Variants in MARCHF1 observed in about 807,000 individuals in gnomAD.
MARCHF1 encodes the protein membrane associated ring-CH-type finger 1, also known as E3 ubiquitin-protein ligase MARCHF1.
A neutral mutation model predicts 54.2 loss-of-function variants in MARCHF1; 40 were observed. The observed-to-expected ratio is 0.74, with a 90% CI of 0.57 to 0.96. The LOEUF is 0.96. MARCHF1 is among the 40% of genes least tolerant of loss of function. The probability of loss-of-function intolerance (pLI) is 0.00; values close to 1 mark genes in which losing one functional copy is unlikely to be tolerated. For synonymous variants in MARCHF1, 236 were observed against 236.3 expected (o/e 1.00, Z 0.01); for missense variants, 586 against 656.5 (o/e 0.89, Z 1.17).
intron 7 of MARCHF1, among the ~76,000 whole-genome samples, chr4:163,586,224 A>C (rs1301584994): frequency 6.6e-6 from 1 of 152,176 alleles, no homozygotes; most frequent in Non-Finnish European, 1.5e-5. Context: ...CACAACCCAA[A>C]GTTTATTCAC....
intron 8 of MARCHF1, among the ~76,000 whole-genome samples, chr4:163,562,927 A>C (rs1384168030): frequency 1.3e-5 from 2 of 152,204 alleles, no homozygotes; most frequent in African/African-American, 4.8e-5. Context: ...TAGCTCAGGA[A>C]CTAAACCCTG....
At chr4:163,990,818 A>G (rs1344555639) in intron 2 of MARCHF1, among the ~76,000 whole-genome samples, 1 of 152,174 alleles carries the variant, frequency 6.6e-6, no homozygotes, top group African/African-American at 2.4e-5. Context: ...ACTCTTTAGA[A>G]AAGTAATATT....
chr4:163,587,023 A>C (rs1740434344), intron 7 of MARCHF1, among the ~76,000 whole-genome samples: 1 of 152,214 alleles, frequency 6.6e-6, no homozygotes. Context: ...AGTACAGAAA[A>C]TCCTATTGTT....
intron 3 of MARCHF1, among the ~76,000 whole-genome samples, chr4:163,860,650 T>G (rs938149118): frequency 1.3e-5 from 2 of 152,118 alleles, no homozygotes; most frequent in African/African-American, 2.4e-5. Flanking sequence ...AGAATACTTC[T>G]CCTCTACTGT....
chr4:163,911,148 T>C (rs76100988), intron 3 of MARCHF1, among the ~76,000 whole-genome samples: 142 of 152,278 alleles, frequency 9.3e-4, no homozygotes, highest in African/African-American at 2.8e-3. Flanking sequence ...GATGCTGTGG[T>C]TTGGACTACA....
intron 8 of MARCHF1, among the ~76,000 whole-genome samples, chr4:163,579,413 T>A (rs1324838779): frequency 6.6e-6 from 1 of 152,200 alleles, no homozygotes; most frequent in Non-Finnish European, 1.5e-5. Flanking sequence ...AATTTTTTGT[T>A]ATTTTGTAGT....
rs1021027790 is a variant in MARCHF1, at chr4:163,619,281, T to C, written c.163-5888A>G. Among the ~76,000 whole-genome samples the C allele has an allele frequency of 3.7e-4, 56 of 152,104 alleles. 2 individuals carry two copies. The highest frequency in any genetic ancestry group is 1.0e-4 in the Non-Finnish European group (7 of 68,022). On this transcript the variant is annotated intron_variant, in intron 5 of 9. Transcript: ENST00000514618. The stretch of plus-strand genomic sequence containing the variant: ...CAGCTGAGAATTGGAAGGTTCAGGG[T>C]TGTCTGAAAGCAAAGAGCAGAGTTA...
intron 1 of MARCHF1, among the ~76,000 whole-genome samples, chr4:164,165,421 A>G (rs755232073): frequency 6.6e-6 from 1 of 151,256 alleles, no homozygotes; most frequent in Non-Finnish European, 1.5e-5. Context: ...ATGAGGATAC[A>G]ATGAGAAGAT....
chr4:163,658,772 A>C (rs536348663), intron 5 of MARCHF1, among the ~76,000 whole-genome samples: 28 of 152,044 alleles, frequency 1.8e-4, no homozygotes, highest in Non-Finnish European at 4.0e-4. Context: ...GGGGAACAAC[A>C]CACACTGGGG....
intron 3 of MARCHF1, among the ~76,000 whole-genome samples, chr4:163,892,007 T>C (rs1281718129): frequency 6.6e-6 from 1 of 152,126 alleles, no homozygotes; most frequent in East Asian, 1.9e-4. Flanking sequence ...TCAACAGATT[T>C]TTTTTTAAAA....
intron 1 of MARCHF1, among the ~76,000 whole-genome samples, chr4:164,278,767 A>G (rs1303021696): frequency 2.0e-5 from 3 of 152,222 alleles, no homozygotes; most frequent in Non-Finnish European, 2.9e-5. Context: ...TTAGAAGTCA[A>G]TCAGGAAGAG....
At chr4:163,755,971 CT>C (rs1746655022) in intron 4 of MARCHF1, among the ~76,000 whole-genome samples, 1 of 152,168 alleles carries the variant, frequency 6.6e-6, no homozygotes, top group East Asian at 1.9e-4. Context: ...ATCTCACCCC[CT>C]CTAATAAGCA....
chr4:163,539,352 G>C (rs1433585323), intron 9 of MARCHF1, among the ~76,000 whole-genome samples: 5 of 152,150 alleles, frequency 3.3e-5, no homozygotes, highest in Non-Finnish European at 7.3e-5. Flanking sequence ...AAAGCCAACT[G>C]ATACATTACT....
At chr4:163,826,148 GTTTAA>G (rs1748841675) in intron 4 of MARCHF1, among the ~76,000 whole-genome samples, 1 of 151,716 alleles carries the variant, frequency 6.6e-6, no homozygotes, top group Non-Finnish European at 1.5e-5. Flanking sequence ...ATATTTTATT[GTTTAA>G]TTTACTTACC....
intron 4 of MARCHF1, among the ~76,000 whole-genome samples, chr4:163,822,007 AC>A (rs1279222985): frequency 1.3e-5 from 2 of 151,890 alleles, no homozygotes; most frequent in East Asian, 3.9e-4. Context: ...GTGTAATAAG[AC>A]AAAATTAATA....
chr4:164,158,044 A>AT (rs916836092), intron 1 of MARCHF1, among the ~76,000 whole-genome samples: 1 of 152,216 alleles, frequency 6.6e-6, no homozygotes, highest in Non-Finnish European at 1.5e-5. Context: ...ACTTGACTAA[A>AT]TTCATTAGCA....
chr4:164,290,559 A>C (rs961094954), intron 1 of MARCHF1, among the ~76,000 whole-genome samples: 1 of 151,988 alleles, frequency 6.6e-6, no homozygotes, highest in Admixed American at 6.6e-5. Flanking sequence ...AATTAAGCAC[A>C]GAAGAACATT....
chr4:163,558,092 T>C (rs1006290980), intron 8 of MARCHF1, among the ~76,000 whole-genome samples: 1 of 152,132 alleles, frequency 6.6e-6, no homozygotes. Flanking sequence ...GAGATTTGTC[T>C]GAAGAAACTG....
intron 5 of MARCHF1, among the ~76,000 whole-genome samples, chr4:163,643,158 CAAA>C (rs34228966): frequency 0.011 from 1,141 of 104,116 alleles, 2 homozygotes; most frequent in East Asian, 0.03. Flanking sequence ...ACTATAAATA[CAAA>C]AAAAAAAAAA....
Sources: gnomAD v4.1 joint callset for allele counts (sites outside exome capture counted in the v4.1 genomes callset) on GRCh38, gnomAD v4.1.1 for gene constraint, MANE v1.5 for transcripts, NCBI Gene and HGNC (gene_info 2026-07-23, HGNC 2026-07-21) for gene names.